ATXN1: variants seen among roughly 807,000 people sequenced by gnomAD.
ATXN1 encodes ataxin-1.
Under a neutral mutation model 56.4 loss-of-function variants are expected in ATXN1, and 8 were observed. The observed-to-expected ratio is 0.14, with a 90% CI of 0.08 to 0.26. The LOEUF (loss-of-function observed/expected upper bound fraction) is 0.26, where lower values mean the gene tolerates loss of function less well. Among genes scored for constraint, ATXN1 ranks in the 10% least tolerant of loss-of-function variants. The pLI is 1.00. For missense variants in ATXN1, 987 were observed against 1,106.5 expected (o/e 0.89, Z 1.53); for synonymous variants, 514 against 494.6 (o/e 1.04, Z -0.52).
intron 6 of ATXN1, among the ~76,000 whole-genome samples, chr6:16,475,655 C>T (rs1389006835): frequency 3.3e-5 from 5 of 152,114 alleles, no homozygotes; most frequent in African/African-American, 1.2e-4. Context: ...CAAAGAGTCT[C>T]TTATATGAAC....
rs1007384377 is a variant in ATXN1, at chr6:16,370,892, T to G, written c.-160-42422A>C. Among the ~76,000 whole-genome samples, 7 of 152,232 alleles carry G rather than the reference T, an allele frequency of 4.6e-5. No individual in the cohort carries two copies. The East Asian group carries it at 1.3e-3, about 29-fold the overall frequency. ...AGCACTTGGCAAATGGTAAGGAATT[T>G]GGACACATAAATTAATGGAGCTAAA... On this transcript the variant is annotated intron_variant, in intron 6 of 7. Coordinates refer to ENST00000436367, the MANE Select transcript of ATXN1 (RefSeq NM_001128164.2).
intron 6 of ATXN1, among the ~76,000 whole-genome samples, chr6:16,454,764 T>A (rs893700280): frequency 6.6e-6 from 1 of 152,222 alleles, no homozygotes; most frequent in African/African-American, 2.4e-5. Flanking sequence ...GAAACATTTT[T>A]AAAATATGCT....
chr6:16,546,702 T>C (rs1330667247), intron 4 of ATXN1, among the ~76,000 whole-genome samples: 3 of 152,228 alleles, frequency 2.0e-5, no homozygotes, highest in African/African-American at 7.2e-5. Flanking sequence ...GTAACAGTTA[T>C]GTTTAAGGTA....
chr6:16,678,595 A>G (rs989825722), intron 2 of ATXN1, among the ~76,000 whole-genome samples: 7 of 152,222 alleles, frequency 4.6e-5, no homozygotes, highest in African/African-American at 1.7e-4. Flanking sequence ...ACCTTTATAG[A>G]ATATTTTTAT....
chr6:16,700,796 C>G (rs549385811), intron 2 of ATXN1, among the ~76,000 whole-genome samples: 1 of 152,038 alleles, frequency 6.6e-6, no homozygotes, highest in Non-Finnish European at 1.5e-5. Context: ...GGTAAGCAGA[C>G]GTGCTGCTTT....
intron 4 of ATXN1, among the ~76,000 whole-genome samples, chr6:16,578,493 T>C (rs1423839386): frequency 6.6e-6 from 1 of 152,266 alleles, no homozygotes; most frequent in African/African-American, 2.4e-5. Flanking sequence ...CTTCTTTCTC[T>C]GTCACTGTTA....
At chr6:16,397,786 T>G (rs1037525711) in intron 6 of ATXN1, among the ~76,000 whole-genome samples, 2 of 152,200 alleles carry the variant, frequency 1.3e-5, no homozygotes, top group African/African-American at 4.8e-5. Context: ...GAAATGTAAT[T>G]GTATGTGTGT....
At chr6:16,587,895 C>A (rs1762655487) in intron 3 of ATXN1, among the ~76,000 whole-genome samples, 1 of 150,212 alleles carries the variant, frequency 6.7e-6, no homozygotes, top group African/African-American at 2.5e-5. Context: ...CGTGCCATTG[C>A]ACTACAGCCT....
intron 5 of ATXN1, among the ~76,000 whole-genome samples, chr6:16,507,521 GAA>G (rs1450132467): frequency 6.6e-6 from 1 of 152,140 alleles, no homozygotes; most frequent in Admixed American, 6.5e-5. Flanking sequence ...TTCTTTGACT[GAA>G]GTCTCCAAAG....
intron 2 of ATXN1, among the ~76,000 whole-genome samples, chr6:16,709,900 T>C (rs1479197888): frequency 2.0e-5 from 3 of 152,130 alleles, no homozygotes; most frequent in East Asian, 1.9e-4. Flanking sequence ...TCAAGTTTGG[T>C]TTAACACTTA....
intron 5 of ATXN1, among the ~76,000 whole-genome samples, chr6:16,521,816 C>T (rs779293842): frequency 1.7e-4 from 26 of 152,088 alleles, no homozygotes; most frequent in Admixed American, 1.6e-3. Context: ...TTGGAAAGGG[C>T]GCAGAAGAAA....
At chr6:16,330,339 C>T (rs532000822) in intron 6 of ATXN1, among the ~76,000 whole-genome samples, 5 of 151,448 alleles carry the variant, frequency 3.3e-5, no homozygotes, top group Admixed American at 3.3e-4. Context: ...CTGCCCCCTA[C>T]TTTGTAACTA....
At chr6:16,498,839 A>C (rs2113671236) in intron 5 of ATXN1, among the ~76,000 whole-genome samples, 1 of 152,284 alleles carries the variant, frequency 6.6e-6, no homozygotes, top group East Asian at 1.9e-4. Context: ...TCCATCTTTA[A>C]ACTGGGTTGT....
At chr6:16,696,961 T>C (rs1759177836) in intron 2 of ATXN1, among the ~76,000 whole-genome samples, 2 of 152,360 alleles carry the variant, frequency 1.3e-5, no homozygotes, top group Non-Finnish European at 2.9e-5. Context: ...TATATAAACA[T>C]GGTAGTTCCA....
chr6:16,518,330 C>G (rs890371523), intron 5 of ATXN1, among the ~76,000 whole-genome samples: 1 of 152,230 alleles, frequency 6.6e-6, no homozygotes, highest in Admixed American at 6.5e-5. Flanking sequence ...GGGCTAAAGC[C>G]AACGTGGCCT....
intron 3 of ATXN1, among the ~76,000 whole-genome samples, chr6:16,586,279 G>T (rs919224460): frequency 1.3e-5 from 2 of 152,246 alleles, no homozygotes; most frequent in Admixed American, 1.3e-4. Context: ...GTTCTTCATA[G>T]AAAATGTCAG....
chr6:16,644,563 G>GGTGTGTGTGT (rs113345902), intron 3 of ATXN1, among the ~76,000 whole-genome samples: 3,466 of 142,874 alleles, frequency 0.024, 58 homozygotes, highest in South Asian at 0.064. Context: ...TAAATTTTAT[G>GGTGTGTGTGT]GTGTGTGTGT....
At chr6:16,341,384 C>CTAG (rs1761243962) in intron 6 of ATXN1, among the ~76,000 whole-genome samples, 1 of 151,938 alleles carries the variant, frequency 6.6e-6, no homozygotes, top group East Asian at 1.9e-4. Flanking sequence ...CTTTTAAAAA[C>CTAG]ATAATGTCCA....
At chr6:16,466,401 G>A (rs1271313656) in intron 6 of ATXN1, among the ~76,000 whole-genome samples, 1 of 150,278 alleles carries the variant, frequency 6.7e-6, no homozygotes, top group East Asian at 1.9e-4. Flanking sequence ...ATCAAGTAGG[G>A]TTCCTAGATT....
Sources: gnomAD v4.1 joint callset for allele counts (sites outside exome capture counted in the v4.1 genomes callset) on GRCh38, gnomAD v4.1.1 for gene constraint, MANE v1.5 for transcripts, NCBI Gene and HGNC (gene_info 2026-07-23, HGNC 2026-07-21) for gene names.